Variants in PLPP3 observed in about 807,000 individuals in gnomAD.
PLPP3 encodes PAP2 beta.
A neutral mutation model predicts 29.6 loss-of-function variants in PLPP3; 6 were observed. The observed-to-expected ratio is 0.20, with a 90% CI of 0.11 to 0.40. PLPP3 has a LOEUF of 0.40. Ranked by LOEUF, PLPP3 falls within the 10% of genes least tolerant of loss-of-function variation. The pLI, the probability that PLPP3 is intolerant of heterozygous loss-of-function variation, is 1.00. For missense variants in PLPP3, 308 were observed against 407.7 expected (o/e 0.76, Z 2.11); for synonymous variants, 152 against 159.7 (o/e 0.95, Z 0.36).
rs745729251 is a variant in PLPP3 at position 56,530,983 on chromosome 1, T to C, written c.297+5972A>G. Among the ~76,000 whole-genome samples, 5 of 152,352 alleles carry C rather than the reference T, an allele frequency of 3.3e-5. No individual in the cohort carries two copies. In the South Asian group the frequency reaches 1.0e-3, roughly 32 times the overall value. ...AGAGCTCAAGTGCCAACTAGTGTTC[T>C]GGGTTAGAGTTTGGCTCTTTGACTT... On this transcript the variant is annotated intron_variant, in intron 2 of 5. Coordinates refer to ENST00000371250, the MANE Select transcript of PLPP3 (RefSeq NM_003713.5).
intron 2 of PLPP3, among the ~76,000 whole-genome samples, chr1:56,526,881 G>C (rs1645856158): frequency 6.6e-6 from 1 of 152,168 alleles, no homozygotes; most frequent in Admixed American, 6.5e-5. Flanking sequence ...CAAGGCCCCA[G>C]ATAAAATCCC....
intron 1 of PLPP3, among the ~76,000 whole-genome samples, chr1:56,556,918 GAGAA>G (rs1395612247): frequency 7.8e-6 from 1 of 128,696 alleles, no homozygotes; most frequent in Non-Finnish European, 1.6e-5. Flanking sequence ...GGAGTGGAGG[GAGAA>G]AGAAAGAGAG....
intron 4 of PLPP3, among the ~76,000 whole-genome samples, chr1:56,523,191 T>C (rs1645830902): frequency 6.6e-6 from 1 of 152,194 alleles, no homozygotes; most frequent in Non-Finnish European, 1.5e-5. Context: ...CAGAAGTATT[T>C]TGCAAAACTC....
chr1:56,536,677 G>T (rs1392554234), intron 2 of PLPP3, among the ~76,000 whole-genome samples: 1 of 152,154 alleles, frequency 6.6e-6, no homozygotes, highest in Non-Finnish European at 1.5e-5. Context: ...GAGATGGAAA[G>T]GGGGTTTGAA....
At chr1:56,505,083 T>C (rs1645693523) in intron 5 of PLPP3, among the ~76,000 whole-genome samples, 1 of 152,228 alleles carries the variant, frequency 6.6e-6, no homozygotes, top group Non-Finnish European at 1.5e-5. Context: ...GTATTTCTTA[T>C]TATAGATGGC....
At chr1:56,570,744 A>AAAAT (rs889509213) in intron 1 of PLPP3, among the ~76,000 whole-genome samples, 14 of 152,284 alleles carry the variant, frequency 9.2e-5, no homozygotes, top group African/African-American at 3.4e-4. Context: ...TTAAAAAGCA[A>AAAAT]AAATAAATAA....
chr1:56,560,220 C>A (rs1309292446), intron 1 of PLPP3, among the ~76,000 whole-genome samples: 2 of 152,150 alleles, frequency 1.3e-5, no homozygotes, highest in African/African-American at 2.4e-5. Context: ...GAACCTGGTG[C>A]ATTAAAGGTG....
chr1:56,557,034 G>A (rs868739408), intron 1 of PLPP3, among the ~76,000 whole-genome samples: 1,913 of 25,288 alleles, frequency 0.076, 486 homozygotes, highest in Middle Eastern at 0.2. Context: ...GAAAGAGAGA[G>A]AGAGAGAGAG....
intron 4 of PLPP3, among the ~76,000 whole-genome samples, chr1:56,517,877 A>G (rs930824601): frequency 2.6e-5 from 4 of 152,228 alleles, no homozygotes; most frequent in Non-Finnish European, 4.4e-5. Flanking sequence ...TGTAAGAGTT[A>G]CAGTGGAATA....
Position 56,545,485 on chromosome 1 carries a change from G to A in PLPP3, c.140-8373C>T, listed in dbSNP as rs1645999718. 1.3e-5 allele frequency among the ~76,000 whole-genome samples: 2 copies of A among 152,132 alleles called. 1 individual carries two copies. The highest frequency in any genetic ancestry group is 4.1e-4 in the South Asian group (2 of 4,828). On this transcript the variant is annotated intron_variant, in intron 1 of 5. Coordinates refer to ENST00000371250, the MANE Select transcript of PLPP3 (RefSeq NM_003713.5). ...CTTCCCATACGCAATCTAATCTGCA[G>A]GGAAAAGCATGCTCATGAAGTCCTA...
At chr1:56,508,886 T>C (rs956525050) in intron 5 of PLPP3, among the ~76,000 whole-genome samples, 1 of 152,206 alleles carries the variant, frequency 6.6e-6, no homozygotes, top group African/African-American at 2.4e-5. Context: ...GCTTTGCTTC[T>C]GTCTCCCTCA....
intron 2 of PLPP3, among the ~76,000 whole-genome samples, chr1:56,527,108 G>C (rs117528605): frequency 6.6e-6 from 1 of 152,282 alleles, no homozygotes; most frequent in African/African-American, 2.4e-5. Context: ...TTAGGGAGAC[G>C]GGGTTTGATT....
intron 1 of PLPP3, among the ~76,000 whole-genome samples, chr1:56,572,057 T>TTG (rs1302048600): frequency 2.1e-5 from 3 of 141,302 alleles, no homozygotes; most frequent in Non-Finnish European, 3.1e-5. Flanking sequence ...TTTTTTTTTT[T>TTG]TTTTTTTTTT....
At chr1:56,568,755 G>A (rs1646178438) in intron 1 of PLPP3, among the ~76,000 whole-genome samples, 1 of 152,114 alleles carries the variant, frequency 6.6e-6, no homozygotes, top group Non-Finnish European at 1.5e-5. Context: ...CTCCCGAGTG[G>A]CTGGGACTAC....
chr1:56,543,473 C>G (rs1209312099), intron 1 of PLPP3, among the ~76,000 whole-genome samples: 1 of 152,172 alleles, frequency 6.6e-6, no homozygotes, highest in African/African-American at 2.4e-5. Context: ...AAATATCACT[C>G]ACTGATTTTT....
chr1:56,531,728 A>G (rs2100259542), intron 2 of PLPP3, among the ~76,000 whole-genome samples: 1 of 152,334 alleles, frequency 6.6e-6, no homozygotes, highest in South Asian at 2.1e-4. Flanking sequence ...CTAGGTTTTA[A>G]TTCGTGTTCC....
At chr1:56,500,090 C>T (rs1302182128) in intron 5 of PLPP3, among the ~76,000 whole-genome samples, 2 of 152,176 alleles carry the variant, frequency 1.3e-5, no homozygotes, top group African/African-American at 2.4e-5. Context: ...TTTTCAATTC[C>T]GTTTCTCCAA....
At chr1:56,551,323 TTGG>T (rs752261547) in intron 1 of PLPP3, among the ~76,000 whole-genome samples, 21 of 151,088 alleles carry the variant, frequency 1.4e-4, no homozygotes, top group Non-Finnish European at 3.0e-4. Context: ...TCGGTTCGGT[TTGG>T]TGGTGTGCAA....
At chr1:56,501,468 C>T (rs1216703489) in intron 5 of PLPP3, among the ~76,000 whole-genome samples, 1 of 152,048 alleles carries the variant, frequency 6.6e-6, no homozygotes, top group Non-Finnish European at 1.5e-5. Context: ...CATTTCATTA[C>T]CCCAAAATAA....
Sources: allele counts gnomAD v4.1 joint callset (sites outside exome capture counted in the v4.1 genomes callset), GRCh38; gene constraint gnomAD v4.1.1; transcripts MANE v1.5; gene names NCBI Gene and HGNC (gene_info 2026-07-23, HGNC 2026-07-21).